ACTL6A: variants seen among roughly 807,000 people sequenced by gnomAD.
ACTL6A encodes actin like 6A.
A neutral mutation model predicts 59.2 loss-of-function variants in ACTL6A; 5 were observed. The ratio of observed to expected loss-of-function variants is 0.08; its 90% confidence interval spans 0.04 to 0.18. ACTL6A has a LOEUF of 0.18. Ranked by LOEUF, ACTL6A falls within the 10% of genes least tolerant of loss-of-function variation. The pLI, the probability that ACTL6A is intolerant of heterozygous loss-of-function variation, is 1.00. For missense variants in ACTL6A, 285 were observed against 526.9 expected (o/e 0.54, Z 4.49); for synonymous variants, 154 against 171.8 (o/e 0.90, Z 0.81).
chr3:179,574,570 G>T, intron 5 of ACTL6A, 103 bp downstream of exon 5: 1 of 881,146 alleles, frequency 1.1e-6, no homozygotes, highest in Non-Finnish European at 1.8e-6. Context: ...TTGTTCCGAA[G>T]TTGTTTTTTT....
intron 3 of ACTL6A, 52 bp from the exon 4 acceptor site, chr3:179,573,317 A>G (rs1392384639): frequency 8.4e-6 from 10 of 1,185,180 alleles, no homozygotes; most frequent in Non-Finnish European, 9.7e-6. Flanking sequence ...AAAAGATGCT[A>G]TATTCATCTT....
rs555377128 is a variant in ACTL6A, at chr3:179,565,460, CAT to C, written c.25+2348_25+2349del. ...TGTGTTATATATGTTATATATATTA[CAT>C]ATATGTTGTATATATTATATATTAT... is the stretch of plus-strand genomic sequence containing the variant. On this transcript the variant is annotated intron_variant, in intron 1 of 13. Coordinates refer to ENST00000429709, the MANE Select transcript of ACTL6A (RefSeq NM_004301.5). Among the ~76,000 whole-genome samples the C allele has an allele frequency of 7.7e-4, 115 of 149,016 alleles. 1 individual carries two copies. The highest frequency in any genetic ancestry group is 1.4e-3 in the Non-Finnish European group (97 of 67,452).
intron 1 of ACTL6A, among the ~76,000 whole-genome samples, chr3:179,565,315 G>C (rs1428279619): frequency 6.6e-6 from 1 of 151,486 alleles, no homozygotes; most frequent in Non-Finnish European, 1.5e-5. Context: ...TGCATGCCTG[G>C]AGTCCCAGCT....
At position 179,588,235 on chromosome 3, in the gene ACTL6A, G is replaced by A; in HGVS notation, c.*225G>A. 2.5e-6 allele frequency: 1 copy of A among 402,796 alleles called. No individual in the cohort carries two copies. The highest frequency in any genetic ancestry group is 4.3e-6 in the Non-Finnish European group (1 of 231,212). The allele number at this position is 402,796 out of a possible 1,614,324, so 25.0% of individuals were successfully genotyped here. A position where few individuals can be genotyped will look rare whatever the true frequency, so the allele number is the denominator to read the frequency against. On this transcript the variant is annotated 3_prime_UTR_variant, in exon 14 of 14. Coordinates refer to ENST00000429709, the MANE Select transcript of ACTL6A (RefSeq NM_004301.5). ...AAGCATTTTATAATTTTGTATAAAT[G>A]TCTATTTTCTCTAAATATTTTGCTT...
chr3:179,582,254 C>A (rs531500304), intron 11 of ACTL6A, among the ~76,000 whole-genome samples: 2 of 152,262 alleles, frequency 1.3e-5, no homozygotes, highest in South Asian at 4.1e-4. Flanking sequence ...AGTGAAGTTT[C>A]TCCTTTTAAC....
At chr3:179,586,686 A>G in intron 13 of ACTL6A, 54 bp downstream of exon 13, 3 of 1,382,300 alleles carry the variant, frequency 2.2e-6, no homozygotes, top group East Asian at 4.9e-5. Flanking sequence ...TACTAAATTT[A>G]GTAAAAATAC....
chr3:179,575,539 A>T, intron 5 of ACTL6A: 1 of 433,086 alleles, frequency 2.3e-6, no homozygotes, highest in South Asian at 1.7e-5. Flanking sequence ...CTCCCTCCTT[A>T]TTAAGCACCA....
chr3:179,587,224 T>C (rs997552380), intron 13 of ACTL6A, among the ~76,000 whole-genome samples: 2 of 151,970 alleles, frequency 1.3e-5, no homozygotes, highest in African/African-American at 2.4e-5. Context: ...ACTGTATATA[T>C]ACAGTTTATA....
At position 179,576,720 on chromosome 3, in the gene ACTL6A, A is replaced by T. The variant is rs1420494214; in HGVS notation, c.672A>T (p.Ala224=). 6.2e-7 allele frequency: 1 copy of T among 1,612,446 alleles called. No homozygotes were observed. Among genetic ancestry groups the T allele is most frequent in the South Asian group, 1.1e-5 (1 of 91,050 alleles). ...NIELVPPYMI[A]SKEAVREGSP... ...AATTGGTTCCTCCATATATGATTGC[A>T]TCAAAAGTAAGTAATTATTGAATTT... Residue 224 remains alanine (A), a synonymous_variant, in exon 7 of 14, where the codon GCA becomes GCT. Coordinates refer to ENST00000429709, the MANE Select transcript of ACTL6A (RefSeq NM_004301.5).
Position 179,569,862 on chromosome 3 carries a change from A to G in ACTL6A, c.64A>G (p.Thr22Ala). 1.2e-6 allele frequency: 2 copies of G among 1,614,186 alleles called. No homozygotes were observed. Among genetic ancestry groups the G allele is most frequent in the Non-Finnish European group, 1.7e-6 (2 of 1,180,026 alleles). ...CCTTGTTTTTGACATTGGATCCTAT[A>G]CTGTGAGAGCTGGTTATGCTGGTGA... ...GALVFDIGSY[T>A]VRAGYAGEDC... Residue 22 changes from threonine (T) to alanine (A), a missense_variant, in exon 2 of 14, where the codon ACT becomes GCT. Physicochemically the swap from Thr to Ala is moderately conservative, Grantham distance 58. Coordinates refer to ENST00000429709, the MANE Select transcript of ACTL6A (RefSeq NM_004301.5).
chr3:179,571,390 C>A (rs1718001609), intron 3 of ACTL6A, among the ~76,000 whole-genome samples: 1 of 149,050 alleles, frequency 6.7e-6, no homozygotes, highest in African/African-American at 2.5e-5. Flanking sequence ...GACTACACAC[C>A]AACCTGGGTG....
At chr3:179,568,423 A>T (rs1717903339) in intron 1 of ACTL6A, among the ~76,000 whole-genome samples, 1 of 152,168 alleles carries the variant, frequency 6.6e-6, no homozygotes, top group Non-Finnish European at 1.5e-5. Context: ...TATTTTAAGA[A>T]TAAAAATGTT....
chr3:179,566,622 T>C (rs961677055), intron 1 of ACTL6A, among the ~76,000 whole-genome samples: 3 of 151,830 alleles, frequency 2.0e-5, no homozygotes, highest in Non-Finnish European at 4.4e-5. Flanking sequence ...GGCCATCTCC[T>C]CCTCTGTCTT....
rs1164115356 is a variant in ACTL6A, at chr3:179,573,430, A to G, written c.339A>G (p.Ser113=). The change falls in exon 4 of 14, where the codon TCA becomes TCG. Residue 113 remains serine (S), a synonymous_variant. Transcript: ENST00000429709. Reference sequence around the variant, plus strand: ...ATACCTACAAAATGCATGTCAAATCAGAAGCCAGTCTCCATCCTGTTCTCA... The same window carrying G: ...ATACCTACAAAATGCATGTCAAATCGGAAGCCAGTCTCCATCCTGTTCTCA... ...LDHTYKMHVK[S]EASLHPVLMS... is the part of the protein sequence containing the mutation. The G allele has an allele frequency of 8.2e-6, 13 of 1,590,562 alleles. No homozygotes were observed. The highest frequency in any genetic ancestry group is 1.0e-5 in the Non-Finnish European group (12 of 1,171,486).
chr3:179,569,328 T>C (rs1717933564), intron 1 of ACTL6A, among the ~76,000 whole-genome samples: 1 of 152,248 alleles, frequency 6.6e-6, no homozygotes, highest in Admixed American at 6.5e-5. Context: ...TAGTTATCAT[T>C]ATAGTACTGG....
intron 1 of ACTL6A, among the ~76,000 whole-genome samples, chr3:179,566,650 G>A (rs1576847684): frequency 6.6e-6 from 1 of 152,126 alleles, no homozygotes; most frequent in South Asian, 2.1e-4. Flanking sequence ...CCGTCCCTCT[G>A]TACAAGTCCA....
At chr3:179,564,529 C>T (rs928014884) in intron 1 of ACTL6A, among the ~76,000 whole-genome samples, 3 of 152,186 alleles carry the variant, frequency 2.0e-5, no homozygotes, top group African/African-American at 4.8e-5. Flanking sequence ...CATGGCCACT[C>T]TCCTACTTTG....
At chr3:179,578,146 A>G (rs1718225666) in intron 8 of ACTL6A, among the ~76,000 whole-genome samples, 2 of 152,156 alleles carry the variant, frequency 1.3e-5, no homozygotes, top group African/African-American at 2.4e-5. Context: ...CCCTGTCTCT[A>G]CAAAAACAGA....
At chr3:179,580,088 C>T (rs1443221717) in intron 8 of ACTL6A, among the ~76,000 whole-genome samples, 1 of 152,058 alleles carries the variant, frequency 6.6e-6, no homozygotes, top group African/African-American at 2.4e-5. Flanking sequence ...AGTTTTTGCA[C>T]CTAAAGATAA....
Sources: allele counts gnomAD v4.1 joint callset (sites outside exome capture counted in the v4.1 genomes callset), GRCh38; gene constraint gnomAD v4.1.1; transcripts MANE v1.5; gene names NCBI Gene and HGNC (gene_info 2026-07-23, HGNC 2026-07-21).